The following IL1RAPL2 variants were observed in gnomAD, a reference collection of about 807,000 sequenced individuals.
IL1RAPL2 encodes the protein X-linked interleukin-1 receptor accessory protein-like 2.
IL1RAPL2 carries 3 observed loss-of-function variants against 44.1 expected under a neutral mutation model. The observed-to-expected ratio is 0.07, with a 90% confidence interval of 0.03 to 0.18. IL1RAPL2 has a LOEUF of 0.18. Ranked by LOEUF, IL1RAPL2 falls within the 10% of genes least tolerant of loss-of-function variation. The pLI is 1.00. For missense variants in IL1RAPL2, 391 were observed against 496.4 expected (o/e 0.79, Z 2.02); for synonymous variants, 181 against 178.8 (o/e 1.01, Z -0.10).
In IL1RAPL2 at chrX:105,667,153, A is replaced by G. The variant is rs1034715514; in HGVS notation, c.773-50214A>G. On this transcript the variant is annotated intron_variant, in intron 6 of 10. Transcript: ENST00000372582. ...TTGAAGAATATTTTTTTCCAATTTT[A>G]CATATGAACAATAAACCAATAGCAC... 7.1e-5 allele frequency among the ~76,000 whole-genome samples: 8 copies of G among 112,047 alleles called. 1 individual carries two copies. In the South Asian group the frequency reaches 1.5e-3, roughly 21 times the overall value.
chrX:105,664,763 A>G (rs2037745584), intron 6 of IL1RAPL2, among the ~76,000 whole-genome samples: 2 of 111,680 alleles, frequency 1.8e-5, no homozygotes, highest in South Asian at 7.5e-4. Flanking sequence ...TGTCAATGCT[A>G]TGGAAGAAAA....
chrX:105,246,380 A>G (rs2034219324), intron 4 of IL1RAPL2, among the ~76,000 whole-genome samples: 1 of 112,397 alleles, frequency 8.9e-6, no homozygotes, highest in Non-Finnish European at 1.9e-5. Context: ...CAGAAAGCCA[A>G]TCACTGAGAC....
At chrX:105,722,590 G>A (rs1439569655) in intron 7 of IL1RAPL2, among the ~76,000 whole-genome samples, 1 of 111,721 alleles carries the variant, frequency 9.0e-6, no homozygotes, top group African/African-American at 3.2e-5. Flanking sequence ...TCTCCATAAG[G>A]AAGAGTTCTG....
intron 6 of IL1RAPL2, among the ~76,000 whole-genome samples, chrX:105,599,468 C>T (rs1453377453): frequency 9.0e-6 from 1 of 111,222 alleles, no homozygotes; most frequent in Non-Finnish European, 1.9e-5. Context: ...ACTTCCTCAC[C>T]TGTGAATTGA....
At chrX:104,603,473 A>G (rs919368479) in intron 1 of IL1RAPL2, among the ~76,000 whole-genome samples, 7 of 111,934 alleles carry the variant, frequency 6.3e-5, no homozygotes, top group Non-Finnish European at 1.3e-4. Context: ...TGACAGAAGT[A>G]GGCTTCAGAA....
chrX:105,760,371 G>A (rs2038676968), intron 10 of IL1RAPL2, among the ~76,000 whole-genome samples: 1 of 112,297 alleles, frequency 8.9e-6, no homozygotes, highest in Non-Finnish European at 1.9e-5. Context: ...GTGAGAATTA[G>A]TTACACTACA....
intron 5 of IL1RAPL2, among the ~76,000 whole-genome samples, chrX:105,319,081 T>G (rs1011485561): frequency 1.7e-4 from 19 of 112,392 alleles, no homozygotes; most frequent in Non-Finnish European, 3.6e-4. Flanking sequence ...AAGGACTTTG[T>G]GGAGCTTAGA....
intron 2 of IL1RAPL2, among the ~76,000 whole-genome samples, chrX:104,885,540 G>A (rs377352986): frequency 1.2e-4 from 13 of 111,011 alleles, no homozygotes; most frequent in African/African-American, 3.9e-4. Flanking sequence ...CCAATCAGCC[G>A]CAGATATCAG....
intron 2 of IL1RAPL2, among the ~76,000 whole-genome samples, chrX:105,129,841 T>C (rs1000441774): frequency 9.0e-6 from 1 of 110,512 alleles, no homozygotes; most frequent in Non-Finnish European, 1.9e-5. Flanking sequence ...AACCCTTCAG[T>C]GGTTCTCCAA....
At chrX:105,199,421 G>GT (rs1246183943) in intron 3 of IL1RAPL2, among the ~76,000 whole-genome samples, 1 of 108,377 alleles carries the variant, frequency 9.2e-6, no homozygotes, top group South Asian at 4.0e-4. Context: ...AAGGAGTCCT[G>GT]TTTTTTTAAT....
At chrX:104,796,435 C>G (rs1379980964) in intron 2 of IL1RAPL2, among the ~76,000 whole-genome samples, 1 of 111,896 alleles carries the variant, frequency 8.9e-6, no homozygotes, top group Non-Finnish European at 1.9e-5. Flanking sequence ...GGAGGGTTGG[C>G]GGTGGTAGAG....
chrX:105,565,375 A>G (rs901703057), intron 6 of IL1RAPL2, among the ~76,000 whole-genome samples: 2 of 111,440 alleles, frequency 1.8e-5, no homozygotes, highest in Non-Finnish European at 3.8e-5. Flanking sequence ...GGTTTTGGCA[A>G]GTACCTAGGC....
chrX:104,724,178 A>G (rs969371811), intron 2 of IL1RAPL2, among the ~76,000 whole-genome samples: 2 of 111,630 alleles, frequency 1.8e-5, no homozygotes, highest in African/African-American at 6.5e-5. Context: ...TTTGTGGGCT[A>G]ATTATTGGAT....
At chrX:104,620,415 G>A (rs1005449912) in intron 1 of IL1RAPL2, among the ~76,000 whole-genome samples, 1 of 107,937 alleles carries the variant, frequency 9.3e-6, no homozygotes, top group Non-Finnish European at 1.9e-5. Flanking sequence ...CGAGGCGGGC[G>A]GATCACAGGG....
chrX:105,005,266 G>C lies in IL1RAPL2; in HGVS notation c.83-190209G>C, dbSNP rs1243577523. ...AGCCTCCTACAATGCTTCGTATAGG[G>C]TAGTGCTTAATAAATACTTAATGAT... is the stretch of plus-strand genomic sequence containing the variant. On this transcript the variant is annotated intron_variant, in intron 2 of 10. Coordinates refer to ENST00000372582, the MANE Select transcript of IL1RAPL2 (RefSeq NM_017416.2). 2.4e-4 allele frequency among the ~76,000 whole-genome samples: 27 copies of C among 111,267 alleles called. 1 individual carries two copies. Among genetic ancestry groups the C allele is most frequent in the Non-Finnish European group, 7.6e-5 (4 of 52,872 alleles).
intron 2 of IL1RAPL2, among the ~76,000 whole-genome samples, chrX:104,661,213 C>T (rs1353439526): frequency 9.0e-6 from 1 of 111,297 alleles, no homozygotes; most frequent in East Asian, 2.8e-4. Flanking sequence ...TCAGTCTCTG[C>T]TTCTCCTTCC....
At chrX:105,453,927 T>C (rs2036037358) in intron 5 of IL1RAPL2, among the ~76,000 whole-genome samples, 1 of 111,879 alleles carries the variant, frequency 8.9e-6, no homozygotes, top group Non-Finnish European at 1.9e-5. Flanking sequence ...TGCTCAACAC[T>C]CATCTTCTTC....
chrX:105,568,892 T>C (rs2036994420), intron 6 of IL1RAPL2, among the ~76,000 whole-genome samples: 1 of 111,927 alleles, frequency 8.9e-6, no homozygotes, highest in Admixed American at 9.5e-5. Flanking sequence ...ATAATTGACA[T>C]AGCATCTAGA....
At chrX:105,495,807 C>T (rs993949001) in intron 6 of IL1RAPL2, among the ~76,000 whole-genome samples, 8 of 109,869 alleles carry the variant, frequency 7.3e-5, no homozygotes, top group African/African-American at 1.3e-4. Flanking sequence ...AAATTCTAGG[C>T]GTCTCTCCCC....
Sources: allele counts gnomAD v4.1 joint callset (sites outside exome capture counted in the v4.1 genomes callset), GRCh38; gene constraint gnomAD v4.1.1; transcripts MANE v1.5; gene names NCBI Gene and HGNC (gene_info 2026-07-23, HGNC 2026-07-21).